Variants in PITPNC1 observed in about 807,000 individuals in gnomAD.
PITPNC1 encodes cytoplasmic phosphatidylinositol transfer protein 1.
Under a neutral mutation model 44.7 loss-of-function variants are expected in PITPNC1, and 18 were observed. The observed-to-expected ratio is 0.40, with a 90% CI of 0.28 to 0.60. PITPNC1 has a LOEUF of 0.60. PITPNC1 is among the 20% of genes least tolerant of loss of function. The pLI is 0.39. For missense variants in PITPNC1, 290 were observed against 418.4 expected (o/e 0.69, Z 2.68); for synonymous variants, 141 against 149.6 (o/e 0.94, Z 0.42).
At chr17:67,455,751 C>T (rs1347513165) in intron 1 of PITPNC1, among the ~76,000 whole-genome samples, 3 of 151,990 alleles carry the variant, frequency 2.0e-5, no homozygotes, top group Admixed American at 1.3e-4. Flanking sequence ...TGGGTATCTA[C>T]ATTTTTAAAG....
chr17:67,393,203 G>A (rs1032950714), intron 1 of PITPNC1, among the ~76,000 whole-genome samples: 11 of 151,742 alleles, frequency 7.2e-5, no homozygotes, highest in African/African-American at 2.7e-4. Flanking sequence ...CTTTTCGAGT[G>A]TACAGTTTCA....
intron 1 of PITPNC1, among the ~76,000 whole-genome samples, chr17:67,497,236 T>C (rs1459234371): frequency 6.6e-6 from 1 of 151,798 alleles, no homozygotes; most frequent in African/African-American, 2.4e-5. Context: ...TTTTTTTTTT[T>C]TGAGACGGCG....
chr17:67,395,332 C>T (rs191846792), intron 1 of PITPNC1, among the ~76,000 whole-genome samples: 1 of 151,914 alleles, frequency 6.6e-6, no homozygotes, highest in East Asian at 1.9e-4. Context: ...TAGAGATGGG[C>T]GGGGAGGTGT....
chr17:67,619,180 T>C (rs911497694), intron 5 of PITPNC1, among the ~76,000 whole-genome samples: 26 of 152,326 alleles, frequency 1.7e-4, no homozygotes, highest in African/African-American at 5.1e-4. Context: ...GGCATGTCCA[T>C]GAAGGGGCCA....
At chr17:67,479,278 C>A (rs1032281744) in intron 1 of PITPNC1, among the ~76,000 whole-genome samples, 1 of 152,184 alleles carries the variant, frequency 6.6e-6, no homozygotes, top group Non-Finnish European at 1.5e-5. Flanking sequence ...ACCACACACA[C>A]GTCCAGTAGA....
Position 67,570,917 on chromosome 17 carries a change from G to A in PITPNC1, c.295-7269G>A, listed in dbSNP as rs115137171. ...ATATCACCCTGGGCAATAAGCAGTGGCCATTGATTGACAAAGCAGGTGGCA... is the reference window on the plus strand; with the variant it reads ...ATATCACCCTGGGCAATAAGCAGTGACCATTGATTGACAAAGCAGGTGGCA... On this transcript the variant is annotated intron_variant, in intron 4 of 8. Transcript: ENST00000581322. 2.5e-3 allele frequency among the ~76,000 whole-genome samples: 383 copies of A among 152,196 alleles called. 3 individuals are homozygous for A. Among genetic ancestry groups the A allele is most frequent in the Middle Eastern group, 0.017 (5 of 294 alleles).
At chr17:67,494,736 C>T (rs896002646) in intron 1 of PITPNC1, among the ~76,000 whole-genome samples, 1 of 151,972 alleles carries the variant, frequency 6.6e-6, no homozygotes, top group Non-Finnish European at 1.5e-5. Flanking sequence ...ATTTGGGAGG[C>T]TGAGGTGAGC....
At chr17:67,408,574 C>CTTCCCT (rs1355140607) in intron 1 of PITPNC1, among the ~76,000 whole-genome samples, 3 of 151,764 alleles carry the variant, frequency 2.0e-5, no homozygotes, top group Non-Finnish European at 4.4e-5. Context: ...CAGTGTTTCC[C>CTTCCCT]TTCCCTTTCC....
At chr17:67,589,806 A>G (rs1353485861) in intron 5 of PITPNC1, among the ~76,000 whole-genome samples, 2 of 152,066 alleles carry the variant, frequency 1.3e-5, no homozygotes, top group African/African-American at 4.8e-5. Context: ...CATCTCTACT[A>G]AAAATATAAA....
intron 1 of PITPNC1, among the ~76,000 whole-genome samples, chr17:67,429,049 C>T: frequency 6.6e-6 from 1 of 152,028 alleles, no homozygotes; most frequent in Non-Finnish European, 1.5e-5. Context: ...CCATGTTGGT[C>T]AGGCTGGTCT....
chr17:67,493,659 G>A (rs71382129), intron 1 of PITPNC1, among the ~76,000 whole-genome samples: 7,116 of 152,262 alleles, frequency 0.047, 221 homozygotes, highest in Middle Eastern at 0.11. Context: ...AATGGGGGAG[G>A]GTGGCTTTGA....
At chr17:67,413,256 C>A (rs1185317753) in intron 1 of PITPNC1, among the ~76,000 whole-genome samples, 2 of 152,254 alleles carry the variant, frequency 1.3e-5, no homozygotes, top group East Asian at 3.9e-4. Flanking sequence ...AAACACTCTC[C>A]ATGATTATAG....
intron 4 of PITPNC1, among the ~76,000 whole-genome samples, chr17:67,553,924 G>T (rs964380703): frequency 6.6e-6 from 1 of 152,166 alleles, no homozygotes; most frequent in Non-Finnish European, 1.5e-5. Context: ...TAAAAGAACA[G>T]TTTCTAGCAA....
intron 5 of PITPNC1, chr17:67,613,723 T>A (rs960541812): frequency 1.3e-5 from 2 of 150,346 alleles, no homozygotes; most frequent in Non-Finnish European, 2.9e-5. Flanking sequence ...GGAGGCTGAG[T>A]GAGGCAGGAG....
intron 1 of PITPNC1, among the ~76,000 whole-genome samples, chr17:67,400,523 G>A (rs2038291624): frequency 1.3e-5 from 2 of 152,056 alleles, no homozygotes; most frequent in Non-Finnish European, 2.9e-5. Flanking sequence ...TTTTTAAAAC[G>A]CATTCCTCCC....
At chr17:67,416,568 A>C (rs931083220) in intron 1 of PITPNC1, among the ~76,000 whole-genome samples, 3 of 152,100 alleles carry the variant, frequency 2.0e-5, no homozygotes, top group Non-Finnish European at 4.4e-5. Context: ...ACCCACTGTC[A>C]GATGGCAGAT....
chr17:67,686,795 T>C (rs890669310), intron 8 of PITPNC1, among the ~76,000 whole-genome samples: 1 of 152,218 alleles, frequency 6.6e-6, no homozygotes, highest in African/African-American at 2.4e-5. Context: ...ATGCTAATAC[T>C]TTCTACCCAA....
chr17:67,494,185 T>TTCTTTCTCTTTCTTTCTTTCTTTC, intron 1 of PITPNC1, among the ~76,000 whole-genome samples: 39 of 102,428 alleles, frequency 3.8e-4, no homozygotes, highest in African/African-American at 8.0e-4. Context: ...CTTTCTTTCT[T>TTCTTTCTCTTTCTTTCTTTCTTTC]TTTCTTTCTT....
intron 1 of PITPNC1, among the ~76,000 whole-genome samples, chr17:67,504,223 G>A (rs900540754): frequency 6.6e-6 from 1 of 152,148 alleles, no homozygotes; most frequent in Admixed American, 6.5e-5. Flanking sequence ...CTTCCCCAAA[G>A]GAGTAGGATC....
Sources: allele counts gnomAD v4.1 joint callset (sites outside exome capture counted in the v4.1 genomes callset), GRCh38; gene constraint gnomAD v4.1.1; transcripts MANE v1.5; gene names NCBI Gene and HGNC (gene_info 2026-07-23, HGNC 2026-07-21).